LRP1B: variants seen among roughly 807,000 people sequenced by gnomAD.
The protein encoded by LRP1B is low-density lipoprotein receptor-related protein 1B.
Under a neutral mutation model 556.6 loss-of-function variants are expected in LRP1B, and 217 were observed. The ratio of observed to expected loss-of-function variants is 0.39; its 90% CI spans 0.35 to 0.44. LRP1B has a LOEUF of 0.44. LRP1B is among the 20% of genes least tolerant of loss of function. LRP1B has a pLI of 1.00. For missense variants in LRP1B, 5,053 were observed against 5,620.8 expected (o/e 0.90, Z 3.23); for synonymous variants, 2,047 against 1,865.8 (o/e 1.10, Z -2.50).
intron 20 of LRP1B, among the ~76,000 whole-genome samples, chr2:140,928,990 A>G (rs1435752040): frequency 1.3e-5 from 2 of 152,144 alleles, no homozygotes; most frequent in Non-Finnish European, 2.9e-5. Context: ...AAGATAAGAT[A>G]AGCACAATAG....
chr2:141,974,436 A>G (rs1701827186), intron 1 of LRP1B, among the ~76,000 whole-genome samples: 1 of 152,014 alleles, frequency 6.6e-6, no homozygotes, highest in Non-Finnish European at 1.5e-5. Context: ...ATAATTTCAA[A>G]TACAGTATGC....
intron 3 of LRP1B, among the ~76,000 whole-genome samples, chr2:141,311,193 A>T (rs1172925688): frequency 1.3e-5 from 2 of 152,148 alleles, no homozygotes; most frequent in African/African-American, 2.4e-5. Context: ...CTAATAGAGA[A>T]CTCTAGTAGA....
intron 3 of LRP1B, among the ~76,000 whole-genome samples, chr2:141,392,281 G>C (rs1036518392): frequency 3.3e-5 from 5 of 151,956 alleles, no homozygotes; most frequent in Non-Finnish European, 5.9e-5. Context: ...GTACCTTAAG[G>C]AGTGGGGCTG....
chr2:141,151,289 G>A (rs1283207755), intron 7 of LRP1B, among the ~76,000 whole-genome samples: 1 of 152,026 alleles, frequency 6.6e-6, no homozygotes, highest in African/African-American at 2.4e-5. Context: ...TCATACACTG[G>A]CTCTAGAATC....
chr2:141,921,158 C>T (rs1465214553), intron 1 of LRP1B, among the ~76,000 whole-genome samples: 1 of 151,986 alleles, frequency 6.6e-6, no homozygotes, highest in African/African-American at 2.4e-5. Flanking sequence ...TACAATTTCT[C>T]ATCCTTGTAA....
At chr2:141,701,744 T>C (rs548256150) in intron 2 of LRP1B, among the ~76,000 whole-genome samples, 25 of 152,050 alleles carry the variant, frequency 1.6e-4, no homozygotes, top group African/African-American at 5.8e-4. Flanking sequence ...AGTCTTCTCA[T>C]GCTAAACTAT....
At chr2:141,406,223 CT>C (rs1235493925) in intron 3 of LRP1B, among the ~76,000 whole-genome samples, 7 of 151,998 alleles carry the variant, frequency 4.6e-5, no homozygotes, top group Non-Finnish European at 1.0e-4. Context: ...ATAAGCCTTT[CT>C]TATTTGCCTA....
At chr2:141,430,130 A>G (rs1680510660) in intron 3 of LRP1B, among the ~76,000 whole-genome samples, 3 of 152,190 alleles carry the variant, frequency 2.0e-5, no homozygotes, top group Non-Finnish European at 4.4e-5. Flanking sequence ...TGTGAAAAGT[A>G]TACAAAGAAG....
Position 140,907,903 on chromosome 2 carries a change from T to A in LRP1B, c.3494A>T (p.Asp1165Val), listed in dbSNP as rs1352052110. ...ACAGAGATAGCCTTCATCAGAGCCA[T>A]CAGGACAATCCTTTTTCCCATTGCA... ...KLCNGKKDCP[D>V]GSDEGYLCDE... Residue 1165 changes from aspartate to valine, a missense_variant, in exon 22 of 91, where the codon GAT (aspartate) becomes GTT (valine). Asp to Val is a radical substitution (Grantham distance 152, BLOSUM62 -3). Transcript: ENST00000389484. The A allele has an allele frequency of 6.2e-7, 1 of 1,613,342 alleles. No homozygotes were observed. Among genetic ancestry groups the A allele is most frequent in the Non-Finnish European group, 8.5e-7 (1 of 1,179,562 alleles).
intron 2 of LRP1B, among the ~76,000 whole-genome samples, chr2:141,705,423 T>A (rs913789679): frequency 1.3e-5 from 2 of 151,972 alleles, no homozygotes; most frequent in Non-Finnish European, 1.5e-5. Context: ...AAATGTTCCA[T>A]GTCCCAGAAT....
chr2:141,497,334 T>G (rs2105124947), intron 2 of LRP1B, among the ~76,000 whole-genome samples: 1 of 152,134 alleles, frequency 6.6e-6, no homozygotes, highest in East Asian at 1.9e-4. Context: ...CTGCAATTAC[T>G]CACACCTCTA....
chr2:140,277,138 G>C (rs1682708108), intron 84 of LRP1B, among the ~76,000 whole-genome samples: 1 of 151,556 alleles, frequency 6.6e-6, no homozygotes, highest in Admixed American at 6.6e-5. Flanking sequence ...GAAAAAAATG[G>C]ATTAATATTC....
intron 41 of LRP1B, among the ~76,000 whole-genome samples, chr2:140,615,821 C>G (rs988082870): frequency 4.0e-5 from 6 of 151,828 alleles, no homozygotes; most frequent in African/African-American, 1.2e-4. Context: ...AAACTGCTAT[C>G]TTCATACTTA....
At chr2:141,060,599 C>T (rs2105465758) in intron 8 of LRP1B, among the ~76,000 whole-genome samples, 1 of 151,864 alleles carries the variant, frequency 6.6e-6, no homozygotes. Context: ...GGGATATCAA[C>T]ATTGTTGTCA....
chr2:140,594,213 A>G (rs475116), intron 43 of LRP1B, among the ~76,000 whole-genome samples: 150,359 of 152,230 alleles, frequency 0.99, 74,284 homozygotes, highest in Middle Eastern at 1. Context: ...CGGGTGATCC[A>G]CTTGCCTCAG....
chr2:141,856,694 G>A (rs946742044), intron 1 of LRP1B, among the ~76,000 whole-genome samples: 1 of 152,100 alleles, frequency 6.6e-6, no homozygotes, highest in Non-Finnish European at 1.5e-5. Flanking sequence ...ATGCACATTA[G>A]AAGAGAGAAT....
chr2:140,690,133 T>A (rs2105396766), intron 41 of LRP1B, among the ~76,000 whole-genome samples: 1 of 151,446 alleles, frequency 6.6e-6, no homozygotes, highest in African/African-American at 2.4e-5. Context: ...CTCTCAGACC[T>A]GAAAAAAAAA....
intron 60 of LRP1B, among the ~76,000 whole-genome samples, chr2:140,473,564 A>C (rs780123921): frequency 6.6e-5 from 10 of 151,898 alleles, no homozygotes; most frequent in African/African-American, 7.2e-5. Flanking sequence ...TTTTAATAAT[A>C]AGTAGGAGAT....
chr2:141,633,415 A>G (rs1688983994), intron 2 of LRP1B, among the ~76,000 whole-genome samples: 1 of 152,156 alleles, frequency 6.6e-6, no homozygotes, highest in African/African-American at 2.4e-5. Context: ...TCATTATTAC[A>G]GCAGACTTGC....
Sources: allele counts gnomAD v4.1 joint callset (sites outside exome capture counted in the v4.1 genomes callset), GRCh38; gene constraint gnomAD v4.1.1; transcripts MANE v1.5; gene names NCBI Gene and HGNC (gene_info 2026-07-23, HGNC 2026-07-21).